FOXL2NB: variants seen among roughly 807,000 people sequenced by gnomAD.
FOXL2NB encodes FOXL2 neighbor protein.
Under a neutral mutation model 7.4 loss-of-function variants are expected in FOXL2NB, and 10 were observed. That is an observed-to-expected ratio of 1.34 (90% CI 0.83 to 2.28). The LOEUF (loss-of-function observed/expected upper bound fraction) is 2.28, where lower values mean the gene tolerates loss of function less well. Among genes scored for constraint, FOXL2NB ranks in the 30% most tolerant of loss-of-function variants. FOXL2NB has a pLI of 0.00. For synonymous variants in FOXL2NB, 104 were observed against 105.3 expected, an observed-to-expected ratio of 0.99 and a Z score of 0.08; for missense variants, 228 against 233.9, an observed-to-expected ratio of 0.97 and a Z score of 0.17.
rs148229276 is a variant in FOXL2NB at position 138,947,723 on chromosome 3, G to C, written c.100+259G>C. ...GAGGATCTCTGGAAATAGTCGTCAG[G>C]GGCGCCGCCTGAATCACCTCTGCCT... is the stretch of plus-strand genomic sequence containing the variant. On this transcript the variant is annotated intron_variant, in intron 1 of 2. Coordinates refer to ENST00000383165, the MANE Select transcript of FOXL2NB (RefSeq NM_001040061.3). This position sits in a 1 kb window ranked among gnomAD's most constrained non-coding sequence, Gnocchi z 5.2. The C allele has an allele frequency of 1.7e-3, 2,077 of 1,220,504 alleles. 37 individuals carry two copies. The African/African-American group carries it at 0.03, about 18-fold the overall frequency. 75.6% of individuals were successfully genotyped at this position (1,220,504 alleles called of 1,614,324 possible).
At chr3:138,950,166 G>T (rs1404222688) in intron 2 of FOXL2NB, 99 bp from the exon 3 acceptor site, 9 of 1,309,264 alleles carry the variant, frequency 6.9e-6, no homozygotes, top group Non-Finnish European at 8.7e-6. Flanking sequence ...CGCAGTCTCA[G>T]CTCCCGCGCC....
In FOXL2NB at chr3:138,947,391, CCG is replaced by C. The variant is rs1936008775; in HGVS notation, c.29_30del (p.Arg10HisfsTer35). 3.2e-6 allele frequency: 5 copies of C among 1,548,916 alleles called. No individual in the cohort carries two copies. In the East Asian group the frequency reaches 1.2e-4, roughly 38 times the overall value. MTRTPVGSA[R>X]TRPKPRKLGP... ...TGACGAGGACCCCGGTGGGGTCTGC[CCG>C]CACCCGGCCAAAGCCCAGGAAGCTC... is the stretch of plus-strand genomic sequence containing the variant. On this transcript the variant is annotated frameshift_variant, in exon 1 of 3. Transcript: ENST00000383165. LOFTEE classifies it high-confidence loss of function. This position sits in a 1 kb window ranked among gnomAD's most constrained non-coding sequence, Gnocchi z 5.2.
chr3:138,951,893 A>T lies in FOXL2NB; in HGVS notation c.*1321A>T, dbSNP rs1436634278. ...CTTAATGCCTTTTAATAGAATTAGA[A>T]AATGGTTCTGCTGGACAGAATTGGG... On this transcript the variant is annotated 3_prime_UTR_variant, in exon 3 of 3. Transcript: ENST00000383165. 1.3e-5 allele frequency: 2 copies of T among 152,228 alleles called. No homozygotes were observed. The highest frequency in any genetic ancestry group is 4.8e-5 in the African/African-American group (2 of 41,448). 9.4% of individuals were successfully genotyped at this position (152,228 alleles called of 1,614,324 possible). A position where few individuals can be genotyped will look rare whatever the true frequency, so the allele number is the denominator to read the frequency against.
chr3:138,947,544 G>A lies in FOXL2NB; in HGVS notation c.100+80G>A. On this transcript the variant is annotated intron_variant, in intron 1 of 2. Coordinates refer to ENST00000383165, the MANE Select transcript of FOXL2NB (RefSeq NM_001040061.3). The surrounding 1 kb of genome is among the most constrained non-coding windows in gnomAD (Gnocchi z 5.2). ...TTCTAGCTCGGGGCTGGGGAGGGGCGAGACGGCGAGGGGGCTGGACGGGGT... is the reference window on the plus strand; with the variant it reads ...TTCTAGCTCGGGGCTGGGGAGGGGCAAGACGGCGAGGGGGCTGGACGGGGT... 4.7e-6 allele frequency: 7 copies of A among 1,478,678 alleles called. 1 individual carries two copies. The highest frequency in any genetic ancestry group is 3.9e-5 in the South Asian group (3 of 76,652). 91.6% of individuals were successfully genotyped at this position (1,478,678 alleles called of 1,614,324 possible).
chr3:138,949,853 G>A lies in FOXL2NB; in HGVS notation c.220+214G>A, dbSNP rs1177292183. 2 of 728,202 alleles carry A rather than the reference G, an allele frequency of 2.7e-6. No homozygotes were observed. Among genetic ancestry groups the A allele is most frequent in the South Asian group, 1.5e-5 (1 of 67,470 alleles). 45.1% of individuals were successfully genotyped at this position (728,202 alleles called of 1,614,324 possible). A position where few individuals can be genotyped will look rare whatever the true frequency, so the allele number is the denominator to read the frequency against. On this transcript the variant is annotated intron_variant, in intron 2 of 2. Transcript: ENST00000383165. The surrounding 1 kb of genome is among the most constrained non-coding windows in gnomAD (Gnocchi z 4.5). ...TTTACTTCTCAACCTTCGGAGGTAGGCTGGTTGCTGGCGAGGTCGGGATCC... is the reference window on the plus strand; with the variant it reads ...TTTACTTCTCAACCTTCGGAGGTAGACTGGTTGCTGGCGAGGTCGGGATCC...
Position 138,953,777 on chromosome 3 carries a change from G to A in FOXL2NB, c.*3205G>A, listed in dbSNP as rs1318083232. Among the ~76,000 whole-genome samples, 6 of 152,106 alleles carry A rather than the reference G, an allele frequency of 3.9e-5. No homozygotes were observed. Among genetic ancestry groups the A allele is most frequent in the Admixed American group, 6.5e-5 (1 of 15,274 alleles). On this transcript the variant is annotated 3_prime_UTR_variant, in exon 3 of 3. Transcript: ENST00000383165. ...ATAACCTTTGCCTGCCTTGAGCCTC[G>A]TATAAATGGAGCATATAGCATGTAT... is the stretch of plus-strand genomic sequence containing the variant.
Position 138,949,400 on chromosome 3 carries a change from G to A in FOXL2NB, c.101-120G>A. ...TGTGTGTATGCATGTGCGTGTGTGT[G>A]TGTGTGTGTGTGTGTGTAGGGGTTG... is the stretch of plus-strand genomic sequence containing the variant. On this transcript the variant is annotated intron_variant, in intron 1 of 2. Coordinates refer to ENST00000383165, the MANE Select transcript of FOXL2NB (RefSeq NM_001040061.3). This position sits in a 1 kb window ranked among gnomAD's most constrained non-coding sequence, Gnocchi z 4.5. 1 of 1,092,810 alleles carries A rather than the reference G, an allele frequency of 9.2e-7. No individual in the cohort carries two copies. Among genetic ancestry groups the A allele is most frequent in the Non-Finnish European group, 1.3e-6 (1 of 754,750 alleles). 67.7% of individuals were successfully genotyped at this position (1,092,810 alleles called of 1,614,324 possible).
In FOXL2NB at chr3:138,950,939, A is replaced by G. The variant is rs1013343379; in HGVS notation, c.*367A>G. ...AAGCCTGACTCCGAGAAGCCTGTTG[A>G]TTCTCTGATGTCCTTGGCCTGTGAT... On this transcript the variant is annotated 3_prime_UTR_variant, in exon 3 of 3. Coordinates refer to ENST00000383165, the MANE Select transcript of FOXL2NB (RefSeq NM_001040061.3). 7.2e-5 allele frequency: 20 copies of G among 276,980 alleles called. No individual in the cohort carries two copies. The highest frequency in any genetic ancestry group is 5.7e-4 in the Admixed American group (10 of 17,406). 17.2% of individuals were successfully genotyped at this position (276,980 alleles called of 1,614,324 possible).
In FOXL2NB at chr3:138,950,296, G is replaced by A; in HGVS notation, c.252G>A (p.Pro84=). The A allele has an allele frequency of 6.2e-7, 1 of 1,605,528 alleles. No individual in the cohort carries two copies. ...GPGILQQRQK[P]PAPRASGGPA... ...GAATCCTGCAACAGCGGCAGAAGCC[G>A]CCCGCGCCTCGGGCTTCCGGCGGCC... Residue 84 remains proline (P), a synonymous_variant, in exon 3 of 3, where the codon CCG becomes CCA. Transcript: ENST00000383165.
rs1220623815 is a variant in FOXL2NB at position 138,947,454 on chromosome 3, G to C, written c.90G>C (p.Ser30=). Residue 30 remains serine (S), a synonymous_variant, in exon 1 of 3, where the codon TCG becomes TCC. Coordinates refer to ENST00000383165, the MANE Select transcript of FOXL2NB (RefSeq NM_001040061.3). The surrounding 1 kb of genome is among the most constrained non-coding windows in gnomAD (Gnocchi z 5.2). ...PQRGKALQAS[S]RLSESPALVK... ...GAGGAAAGGCGCTCCAAGCCTCCTCGCGGCTTTCAGGTGAAAGAAAACGAC... is the reference window on the plus strand; with the variant it reads ...GAGGAAAGGCGCTCCAAGCCTCCTCCCGGCTTTCAGGTGAAAGAAAACGAC... The C allele has an allele frequency of 6.5e-7, 1 of 1,543,476 alleles. No individual in the cohort carries two copies. Among genetic ancestry groups the C allele is most frequent in the Non-Finnish European group, 8.8e-7 (1 of 1,141,978 alleles).
At position 138,949,923 on chromosome 3, in the gene FOXL2NB, G is replaced by A; in HGVS notation, c.220+284G>A. 1.4e-6 allele frequency: 1 copy of A among 691,946 alleles called. No individual in the cohort carries two copies. The highest frequency in any genetic ancestry group is 1.5e-5 in the South Asian group (1 of 66,692). 42.9% of individuals were successfully genotyped at this position (691,946 alleles called of 1,614,324 possible). A position where few individuals can be genotyped will look rare whatever the true frequency, so the allele number is the denominator to read the frequency against. ...GTGCCTAGGTTTTGTGGACGCCAGG[G>A]CCGGTTCCTTTTCTCCCCGCGGCAT... On this transcript the variant is annotated intron_variant, in intron 2 of 2. Coordinates refer to ENST00000383165, the MANE Select transcript of FOXL2NB (RefSeq NM_001040061.3). The surrounding 1 kb of genome is among the most constrained non-coding windows in gnomAD (Gnocchi z 4.5).
chr3:138,950,112 G>A, intron 2 of FOXL2NB, 153 bp from the exon 3 acceptor site: 2 of 858,856 alleles, frequency 2.3e-6, no homozygotes, highest in South Asian at 1.4e-5. Context: ...TGGTCCCACC[G>A]TAGCGCCGCC....
chr3:138,950,096 T>G (rs772873822), intron 2 of FOXL2NB, 169 bp from the exon 3 acceptor site: 6 of 785,506 alleles, frequency 7.6e-6, no homozygotes, highest in Non-Finnish European at 1.3e-5. Context: ...CGGCGCCTCC[T>G]GACCGTGGTC....
In FOXL2NB at chr3:138,949,771, G is replaced by T; in HGVS notation, c.220+132G>T. On this transcript the variant is annotated intron_variant, in intron 2 of 2. Coordinates refer to ENST00000383165, the MANE Select transcript of FOXL2NB (RefSeq NM_001040061.3). This position sits in a 1 kb window ranked among gnomAD's most constrained non-coding sequence, Gnocchi z 4.5. ...GAGAGAACAGAATCCTCTCCTTGCCGGCCCAGCCAGAGGTGGGTGAACCGG... is the reference window on the plus strand; with the variant it reads ...GAGAGAACAGAATCCTCTCCTTGCCTGCCCAGCCAGAGGTGGGTGAACCGG... The T allele has an allele frequency of 7.3e-7, 1 of 1,364,000 alleles. No individual in the cohort carries two copies. The highest frequency in any genetic ancestry group is 1.0e-6 in the Non-Finnish European group (1 of 974,882). The allele number at this position is 1,364,000 out of a possible 1,614,324, so 84.5% of individuals were successfully genotyped here.
rs1277524767 is a variant in FOXL2NB, at chr3:138,951,715, G to T, written c.*1143G>T. On this transcript the variant is annotated 3_prime_UTR_variant, in exon 3 of 3. Coordinates refer to ENST00000383165, the MANE Select transcript of FOXL2NB (RefSeq NM_001040061.3). Reference sequence around the variant, plus strand: ...AAGCCATTTTGTTCAGCTCTGAACAGTGAGTGCCTTGCCAGTAGGCCTCAG... The same window carrying T: ...AAGCCATTTTGTTCAGCTCTGAACATTGAGTGCCTTGCCAGTAGGCCTCAG... 3.3e-5 allele frequency: 5 copies of T among 152,346 alleles called. No individual in the cohort carries two copies. In the East Asian group the frequency reaches 9.7e-4, roughly 29 times the overall value. The allele number at this position is 152,346 out of a possible 1,614,324, so 9.4% of individuals were successfully genotyped here.
At position 138,949,709 on chromosome 3, in the gene FOXL2NB, A is replaced by G; in HGVS notation, c.220+70A>G. ...GGTCCCCTCCAGGCTTCTGCGGAAA[A>G]GCCAGGGGCTTCGGGCTGGAGATAG... On this transcript the variant is annotated intron_variant, in intron 2 of 2. Transcript: ENST00000383165. The surrounding 1 kb of genome is among the most constrained non-coding windows in gnomAD (Gnocchi z 4.5). 1 of 1,605,106 alleles carries G rather than the reference A, an allele frequency of 6.2e-7. No individual in the cohort carries two copies.
At position 138,947,384 on chromosome 3, in the gene FOXL2NB, G is replaced by T. The variant is rs1274432175; in HGVS notation, c.20G>T (p.Gly7Val). The change falls in exon 1 of 3, where the codon GGG becomes GTG. Residue 7 changes from glycine to valine, a missense_variant. Physicochemically the swap from Gly to Val is moderately radical, Grantham distance 109. Transcript: ENST00000383165. The surrounding 1 kb of genome is among the most constrained non-coding windows in gnomAD (Gnocchi z 5.2). ...TGGGAGATGACGAGGACCCCGGTGGGGTCTGCCCGCACCCGGCCAAAGCCC... is the reference window on the plus strand; with the variant it reads ...TGGGAGATGACGAGGACCCCGGTGGTGTCTGCCCGCACCCGGCCAAAGCCC... Reference protein sequence around the residue: MTRTPVGSARTRPKPRK... With the variant: MTRTPVVSARTRPKPRK... 6.5e-7 allele frequency: 1 copy of T among 1,548,622 alleles called. No individual in the cohort carries two copies. The highest frequency in any genetic ancestry group is 2.0e-5 in the Admixed American group (1 of 50,926).
In FOXL2NB at chr3:138,947,463, A is replaced by C; in HGVS notation, c.99A>C (p.Ser33=). 1 of 1,432,528 alleles carries C rather than the reference A, an allele frequency of 7.0e-7. No individual in the cohort carries two copies. 88.7% of individuals were successfully genotyped at this position (1,432,528 alleles called of 1,614,324 possible). The change falls in exon 1 of 3, where the codon TCA becomes TCC. Residue 33 remains serine (S), a splice_region_variant and synonymous_variant. Transcript: ENST00000383165. This position sits in a 1 kb window ranked among gnomAD's most constrained non-coding sequence, Gnocchi z 5.2. ...GKALQASSRL[S]ESPALVKKRM... The stretch of plus-strand genomic sequence containing the variant: ...CGCTCCAAGCCTCCTCGCGGCTTTC[A>C]GGTGAAAGAAAACGACTCCTTTGCT...
In FOXL2NB at chr3:138,947,444, A is replaced by C. The variant is rs1453727645; in HGVS notation, c.80A>C (p.Gln27Pro). The stretch of plus-strand genomic sequence containing the variant: ...GGGCCCCAGCGAGGAAAGGCGCTCC[A>C]AGCCTCCTCGCGGCTTTCAGGTGAA... ...KLGPQRGKAL[Q>P]ASSRLSESPA... The change falls in exon 1 of 3, where the codon CAA becomes CCA. Residue 27 changes from glutamine (Q) to proline (P), a missense_variant. Coordinates refer to ENST00000383165, the MANE Select transcript of FOXL2NB (RefSeq NM_001040061.3). The surrounding 1 kb of genome is among the most constrained non-coding windows in gnomAD (Gnocchi z 5.2). 2.6e-6 allele frequency: 4 copies of C among 1,545,042 alleles called. No homozygotes were observed. The South Asian group carries it at 4.8e-5, about 18-fold the overall frequency.
Sources: allele counts gnomAD v4.1 joint callset (sites outside exome capture counted in the v4.1 genomes callset), GRCh38; gene constraint gnomAD v4.1.1; non-coding constraint Gnocchi (gnomAD v3.1); transcripts MANE v1.5; gene names NCBI Gene and HGNC (gene_info 2026-07-23, HGNC 2026-07-21).